Variants in PTPRN2 observed in about 807,000 individuals in gnomAD.
PTPRN2 encodes receptor-type tyrosine-protein phosphatase N2.
A neutral mutation model predicts 118.8 loss-of-function variants in PTPRN2; 74 were observed. The observed-to-expected ratio is 0.62, with a 90% CI of 0.52 to 0.76. The LOEUF (loss-of-function observed/expected upper bound fraction) is 0.76, where lower values mean the gene tolerates loss of function less well. Among genes scored for constraint, PTPRN2 ranks in the 30% least tolerant of loss-of-function variants. The pLI is 0.00. For synonymous variants in PTPRN2, 641 were observed against 608.0 expected, an observed-to-expected ratio of 1.05 and a Z score of -0.80; for missense variants, 1,481 against 1,394.4, an observed-to-expected ratio of 1.06 and a Z score of -0.99.
intron 2 of PTPRN2, among the ~76,000 whole-genome samples, chr7:158,487,133 T>G (rs1310606507): frequency 6.6e-6 from 1 of 152,226 alleles, no homozygotes; most frequent in African/African-American, 2.4e-5. Context: ...CTGCGTACTA[T>G]TCCATCATGT....
intron 3 of PTPRN2, among the ~76,000 whole-genome samples, chr7:158,309,955 G>A (rs145278472): frequency 1.0e-3 from 152 of 152,248 alleles, no homozygotes; most frequent in Non-Finnish European, 2.0e-3. Flanking sequence ...ATCCCAGAGC[G>A]CTCCCTTGCC....
intron 12 of PTPRN2, among the ~76,000 whole-genome samples, chr7:157,834,404 T>TGATCAGTCGAC (rs1807795200): frequency 3.3e-5 from 2 of 60,644 alleles, no homozygotes; most frequent in African/African-American, 2.0e-4. Context: ...ATCCATCAAT[T>TGATCAGTCGAC]CCACCCACCA....
intron 1 of PTPRN2, among the ~76,000 whole-genome samples, chr7:158,564,687 C>T (rs983785255): frequency 2.0e-5 from 3 of 152,218 alleles, no homozygotes; most frequent in Non-Finnish European, 2.9e-5. Context: ...TCCATCTAGA[C>T]CCTTTCCCTC....
rs761291517 is a variant in PTPRN2, at chr7:158,541,416, A to T, written c.112+46142T>A. On this transcript the variant is annotated intron_variant, in intron 1 of 22. Coordinates refer to ENST00000389418, the MANE Select transcript of PTPRN2 (RefSeq NM_002847.5). Reference sequence around the variant, plus strand: ...ATGCCAGCAAAGCAAGCATTATTCCACCCGGTTACCTGCCCACATCTGCAC... The same window carrying T: ...ATGCCAGCAAAGCAAGCATTATTCCTCCCGGTTACCTGCCCACATCTGCAC... The T allele has an allele frequency of 3.0e-6, 4 of 1,320,630 alleles. No individual in the cohort carries two copies. In the East Asian group the frequency reaches 1.4e-4, roughly 46 times the overall value. The allele number at this position is 1,320,630 out of a possible 1,614,324, so 81.8% of individuals were successfully genotyped here.
Position 158,489,800 on chromosome 7 carries a change from A to G in PTPRN2, c.113-15T>C. ...GAGCAGGCAGCCTGCGGGGAAACAG[A>G]GAAGAGACGCGGTCAGCTGGAGGGG... On this transcript the variant is annotated splice_polypyrimidine_tract_variant and intron_variant, in intron 1 of 22. Transcript: ENST00000389418. 6.4e-7 allele frequency: 1 copy of G among 1,567,574 alleles called. No individual in the cohort carries two copies. The highest frequency in any genetic ancestry group is 8.6e-7 in the Non-Finnish European group (1 of 1,156,782).
At chr7:158,363,272 T>C (rs1024368680) in intron 2 of PTPRN2, among the ~76,000 whole-genome samples, 2 of 151,252 alleles carry the variant, frequency 1.3e-5, no homozygotes, top group African/African-American at 4.9e-5. Flanking sequence ...TGGGAGGCCA[T>C]GAGAGGCTAT....
chr7:157,643,478 G>A (rs1392838664), intron 14 of PTPRN2, among the ~76,000 whole-genome samples: 1 of 152,244 alleles, frequency 6.6e-6, no homozygotes, highest in Non-Finnish European at 1.5e-5. Context: ...TATCCACAGA[G>A]CGCTGCAAGG....
chr7:157,612,231 G>A (rs1461921587), intron 15 of PTPRN2, among the ~76,000 whole-genome samples: 2 of 152,224 alleles, frequency 1.3e-5, no homozygotes, highest in East Asian at 1.9e-4. Context: ...ACAGCGAGGC[G>A]TGGCTGTGTG....
chr7:158,255,796 T>C (rs1306267905), intron 3 of PTPRN2, among the ~76,000 whole-genome samples: 1 of 135,028 alleles, frequency 7.4e-6, no homozygotes, highest in East Asian at 2.5e-4. Flanking sequence ...CGCCAGCTGA[T>C]GAGGCCAATG....
intron 1 of PTPRN2, among the ~76,000 whole-genome samples, chr7:158,520,188 G>A (rs1379000076): frequency 2.6e-5 from 4 of 152,302 alleles, no homozygotes; most frequent in South Asian, 2.1e-4. Flanking sequence ...GCCCTGACAC[G>A]GAGGCAGAAG....
intron 2 of PTPRN2, among the ~76,000 whole-genome samples, chr7:158,354,011 A>T (rs1484363484): frequency 6.6e-6 from 1 of 152,170 alleles, no homozygotes; most frequent in Non-Finnish European, 1.5e-5. Context: ...GGCCACTCGC[A>T]GCCCCACGCT....
At chr7:157,938,566 A>G (rs573615400) in intron 11 of PTPRN2, among the ~76,000 whole-genome samples, 1 of 152,184 alleles carries the variant, frequency 6.6e-6, no homozygotes, top group Non-Finnish European at 1.5e-5. Context: ...ACACAACAAC[A>G]CCCAAAGGCA....
intron 9 of PTPRN2, among the ~76,000 whole-genome samples, chr7:158,120,687 C>T (rs1817091902): frequency 6.6e-6 from 1 of 152,200 alleles, no homozygotes; most frequent in Admixed American, 6.5e-5. Context: ...CCCAGATGTC[C>T]TCTCTTTTCC....
At chr7:158,312,155 C>T (rs1241224981) in intron 3 of PTPRN2, among the ~76,000 whole-genome samples, 1 of 150,358 alleles carries the variant, frequency 6.7e-6, no homozygotes. Context: ...GCCACACATG[C>T]ACACACACCT....
chr7:158,451,773 G>A (rs577686862), intron 2 of PTPRN2, among the ~76,000 whole-genome samples: 1 of 152,286 alleles, frequency 6.6e-6, no homozygotes, highest in East Asian at 1.9e-4. Context: ...CAGGAGTCAG[G>A]CTGGTGAGTT....
chr7:158,205,085 A>C, intron 4 of PTPRN2, 86 bp downstream of exon 4: 1 of 1,182,508 alleles, frequency 8.5e-7, no homozygotes, highest in South Asian at 1.3e-5. Context: ...TTGCTACATT[A>C]AAACAAACAA....
At chr7:158,039,464 G>A (rs114943801) in intron 11 of PTPRN2, among the ~76,000 whole-genome samples, 2,270 of 152,230 alleles carry the variant, frequency 0.015, 60 homozygotes, top group African/African-American at 0.052. Flanking sequence ...AATACCAACA[G>A]GGCTCCCACA....
At chr7:158,036,944 G>T (rs898519649) in intron 11 of PTPRN2, among the ~76,000 whole-genome samples, 7 of 152,084 alleles carry the variant, frequency 4.6e-5, no homozygotes, top group Admixed American at 1.3e-4. Context: ...CATTAGAAAG[G>T]AAGAAAGCTG....
chr7:158,580,234 A>G (rs1261326965), intron 1 of PTPRN2, among the ~76,000 whole-genome samples: 1 of 152,228 alleles, frequency 6.6e-6, no homozygotes, highest in Non-Finnish European at 1.5e-5. Context: ...TGTACCACAG[A>G]TTAACTGCTG....
Sources: gnomAD v4.1 joint callset for allele counts (sites outside exome capture counted in the v4.1 genomes callset) on GRCh38, gnomAD v4.1.1 for gene constraint, MANE v1.5 for transcripts, NCBI Gene and HGNC (gene_info 2026-07-23, HGNC 2026-07-21) for gene names.